The following ATN1 variants were observed in gnomAD, a reference collection of about 807,000 sequenced individuals.
ATN1 encodes the protein atrophin-1.
ATN1 carries 19 observed loss-of-function variants against 85.8 expected under a neutral mutation model. The ratio of observed to expected loss-of-function variants is 0.22; its 90% confidence interval spans 0.15 to 0.32. The LOEUF is 0.32. Among genes scored for constraint, ATN1 ranks in the 10% least tolerant of loss-of-function variants. The pLI, the probability that ATN1 is intolerant of heterozygous loss-of-function variation, is 1.00. For synonymous variants in ATN1, 674 were observed against 657.0 expected (o/e 1.03, Z -0.39); for missense variants, 1,453 against 1,564.5 (o/e 0.93, Z 1.20).
chr12:6,925,677 T>G (rs1945392717), upstream of ATN1, among the ~76,000 whole-genome samples: 1 of 152,248 alleles, frequency 6.6e-6, no homozygotes, highest in Non-Finnish European at 1.5e-5. Context: ...AGTTCCCCAG[T>G]GCTCTGGAAT....
At chr12:6,927,786 C>T (rs1242563202), upstream of ATN1, among the ~76,000 whole-genome samples, 2 of 151,900 alleles carry the variant, frequency 1.3e-5, no homozygotes, top group Admixed American at 1.3e-4. Flanking sequence ...CCCAGGCTCC[C>T]TCCCTTCGCC....
Position 6,937,118 on chromosome 12 carries a change from C to A in ATN1, c.1851C>A (p.Val617=), listed in dbSNP as rs1945553618. The change falls in exon 5 of 10, where the codon GTC becomes GTA. Residue 617 remains valine (V), a synonymous_variant. Coordinates refer to ENST00000396684, the MANE Select transcript of ATN1 (RefSeq NM_001940.4). The surrounding 1 kb of genome is among the most constrained non-coding windows in gnomAD (Gnocchi z 6.0). Reference sequence around the variant, plus strand: ...CCTCTTCGGCTACCCTTTCCACGGTCATTGCCACCGTGGCTTCCTCGCCAG... The same window carrying A: ...CCTCTTCGGCTACCCTTTCCACGGTAATTGCCACCGTGGCTTCCTCGCCAG... ...VTTSSATLST[V]IATVASSPAG... 2 of 1,611,808 alleles carry A rather than the reference C, an allele frequency of 1.2e-6. No homozygotes were observed. The highest frequency in any genetic ancestry group is 1.3e-5 in the African/African-American group (1 of 75,032).
Position 6,933,857 on chromosome 12 carries a change from T to C in ATN1, c.-145T>C. ...TCTAACAGGTTTCATTGAAAACAGATCCTGCAAAAGTTCCAGGTGCCCACA... is the reference window on the plus strand; with the variant it reads ...TCTAACAGGTTTCATTGAAAACAGACCCTGCAAAAGTTCCAGGTGCCCACA... On this transcript the variant is annotated 5_prime_UTR_variant, in exon 2 of 10. Coordinates refer to ENST00000396684, the MANE Select transcript of ATN1 (RefSeq NM_001940.4). The C allele has an allele frequency of 1.1e-6, 1 of 886,126 alleles. No homozygotes were observed. The highest frequency in any genetic ancestry group is 1.8e-6 in the Non-Finnish European group (1 of 565,906). 54.9% of individuals were successfully genotyped at this position (886,126 alleles called of 1,614,324 possible). A position where few individuals can be genotyped will look rare whatever the true frequency, so the allele number is the denominator to read the frequency against.
At position 6,935,868 on chromosome 12, in the gene ATN1, C is replaced by T. The variant is rs1247020067; in HGVS notation, c.601C>T (p.Pro201Ser). 1.2e-6 allele frequency: 2 copies of T among 1,613,710 alleles called. No homozygotes were observed. The highest frequency in any genetic ancestry group is 2.2e-5 in the East Asian group (1 of 44,900). ...PTGYHAPMEP[P>S]TSRMFQAPPG... ...TGGATATCATGCTCCCATGGAGCCCCCCACATCTCGAATGTTCCAGGCTCC... is the reference window on the plus strand; with the variant it reads ...TGGATATCATGCTCCCATGGAGCCCTCCACATCTCGAATGTTCCAGGCTCC... The change falls in exon 5 of 10, where the codon CCC becomes TCC. Residue 201 changes from proline (P) to serine (S), a missense_variant. This residue lies in a region of ATN1 where 990 missense variants were observed against 914.8 expected (regional missense o/e 1.08). Transcript: ENST00000396684. The surrounding 1 kb of genome is among the most constrained non-coding windows in gnomAD (Gnocchi z 5.3).
chr12:6,937,383 C>T lies in ATN1; in HGVS notation c.2116C>T (p.Pro706Ser). ...GCCACCTGCGGGGCCCTCAGGCCTG[C>T]CATCGCTGCCACCACCACCTGCGGC... ...PLPPAGPSGL[P>S]SLPPPPAAPA... The change falls in exon 5 of 10, where the codon CCA becomes TCA. Residue 706 changes from proline (P) to serine (S), a missense_variant. Transcript: ENST00000396684. This position sits in a 1 kb window ranked among gnomAD's most constrained non-coding sequence, Gnocchi z 6.0. 2 of 1,549,158 alleles carry T rather than the reference C, an allele frequency of 1.3e-6. No homozygotes were observed. Among genetic ancestry groups the T allele is most frequent in the Non-Finnish European group, 1.7e-6 (2 of 1,148,100 alleles).
chr12:6,934,048 A>G lies in ATN1; in HGVS notation c.27+20A>G, dbSNP rs201828246. On this transcript the variant is annotated intron_variant, in intron 2 of 9. Coordinates refer to ENST00000396684, the MANE Select transcript of ATN1 (RefSeq NM_001940.4). This position sits in a 1 kb window ranked among gnomAD's most constrained non-coding sequence, Gnocchi z 4.5. ...GACTCGGTGAGTTAAAATGAGAGAC[A>G]TGAAAGATGAGGGGCGGGGCAGGCA... 5.6e-5 allele frequency: 91 copies of G among 1,610,672 alleles called. No homozygotes were observed. The highest frequency in any genetic ancestry group is 4.0e-4 in the Admixed American group (24 of 59,302).
At position 6,941,788 on chromosome 12, in the gene ATN1, G is replaced by A. The variant is rs782053971; in HGVS notation, c.*8G>A. The A allele has an allele frequency of 9.9e-6, 16 of 1,613,894 alleles. No individual in the cohort carries two copies. The Admixed American group carries it at 1.5e-4, about 15-fold the overall frequency. On this transcript the variant is annotated 3_prime_UTR_variant, in exon 10 of 10. Coordinates refer to ENST00000396684, the MANE Select transcript of ATN1 (RefSeq NM_001940.4). The surrounding 1 kb of genome is among the most constrained non-coding windows in gnomAD (Gnocchi z 5.9). ...AGCGACAAGCCACTGTAGAACCTGC[G>A]ATCAAGAGAGCACCATGGCTCCTAC...
At position 6,937,272 on chromosome 12, in the gene ATN1, A is replaced by G; in HGVS notation, c.2005A>G (p.Thr669Ala). 1 of 1,608,208 alleles carries G rather than the reference A, an allele frequency of 6.2e-7. No individual in the cohort carries two copies. The highest frequency in any genetic ancestry group is 8.5e-7 in the Non-Finnish European group (1 of 1,178,284). The change falls in exon 5 of 10, where the codon ACC (threonine) becomes GCC (alanine). Residue 669 changes from threonine (T) to alanine (A), a missense_variant. Physicochemically the swap from Thr to Ala is moderately conservative, Grantham distance 58 (BLOSUM62 0). This residue lies in a region of ATN1 where 990 missense variants were observed against 914.8 expected (regional missense o/e 1.08). Coordinates refer to ENST00000396684, the MANE Select transcript of ATN1 (RefSeq NM_001940.4). The surrounding 1 kb of genome is among the most constrained non-coding windows in gnomAD (Gnocchi z 6.0). ...PGSPPSFRTG[T>A]PPGYRGTSPP... ...GTCGCCTCCCTCCTTCCGAACGGGG[A>G]CCCCACCGGGCTATCGAGGAACCTC...
chr12:6,938,434 CTT>C (rs1214882985), intron 6 of ATN1, 45 bp from the exon 7 acceptor site: 8 of 1,552,988 alleles, frequency 5.2e-6, no homozygotes, highest in Middle Eastern at 1.7e-4. Context: ...CCAGCCACCT[CTT>C]TTCATAACTG....
In ATN1 at chr12:6,937,281, G is replaced by A. The variant is rs1555143939; in HGVS notation, c.2014G>A (p.Gly672Ser). The change falls in exon 5 of 10, where the codon GGC (glycine) becomes AGC (serine). Residue 672 changes from glycine (G) to serine (S), a missense_variant. Transcript: ENST00000396684. The surrounding 1 kb of genome is among the most constrained non-coding windows in gnomAD (Gnocchi z 6.0). The stretch of plus-strand genomic sequence containing the variant: ...CTCCTTCCGAACGGGGACCCCACCG[G>A]GCTATCGAGGAACCTCGCCACCTGC... ...PPSFRTGTPPGYRGTSPPAGP... is the reference protein window; with the variant it reads ...PPSFRTGTPPSYRGTSPPAGP... 6.2e-7 allele frequency: 1 copy of A among 1,605,618 alleles called. No individual in the cohort carries two copies. The highest frequency in any genetic ancestry group is 1.7e-5 in the Admixed American group (1 of 59,004).
Position 6,934,586 on chromosome 12 carries a change from AC to A in ATN1, c.279+11del. ...AAAAAGACCAAAACTGAGGTGGGAA[AC>A]CCTTGTCGCCATCCTGACCCATCTT... is the stretch of plus-strand genomic sequence containing the variant. On this transcript the variant is annotated intron_variant, in intron 4 of 9. Transcript: ENST00000396684. This position sits in a 1 kb window ranked among gnomAD's most constrained non-coding sequence, Gnocchi z 4.5. The A allele has an allele frequency of 2.6e-6, 4 of 1,545,532 alleles. No individual in the cohort carries two copies. Among genetic ancestry groups the A allele is most frequent in the Non-Finnish European group, 3.5e-6 (4 of 1,140,608 alleles).
Position 6,941,167 on chromosome 12 carries a change from C to G in ATN1, c.3358+144C>G. On this transcript the variant is annotated intron_variant, in intron 8 of 9. Transcript: ENST00000396684. This position sits in a 1 kb window ranked among gnomAD's most constrained non-coding sequence, Gnocchi z 5.9. ...GGGCATGGGAATAGGAGAGCTGGAGCTCTGCCCAAGAGAAGCACGAGTTTT... is the reference window on the plus strand; with the variant it reads ...GGGCATGGGAATAGGAGAGCTGGAGGTCTGCCCAAGAGAAGCACGAGTTTT... 1 of 1,264,708 alleles carries G rather than the reference C, an allele frequency of 7.9e-7. No homozygotes were observed. Among genetic ancestry groups the G allele is most frequent in the Non-Finnish European group, 1.1e-6 (1 of 930,260 alleles). The allele number at this position is 1,264,708 out of a possible 1,614,324, so 78.3% of individuals were successfully genotyped here.
intron 1 of ATN1, among the ~76,000 whole-genome samples, chr12:6,931,042 T>C (rs1461271950): frequency 6.6e-6 from 1 of 152,156 alleles, no homozygotes; most frequent in Non-Finnish European, 1.5e-5. Context: ...ATGACTGCTT[T>C]TCTCCTTCAA....
At chr12:6,938,183 G>C (rs893827791) in intron 6 of ATN1, 116 bp downstream of exon 6, 1 of 1,436,668 alleles carries the variant, frequency 7.0e-7, no homozygotes, top group East Asian at 2.5e-5. Context: ...GGCGAGTCAC[G>C]TCGCCACCTG....
chr12:6,942,003 C>G lies in ATN1; in HGVS notation c.*223C>G. ...AGGTGGCGAGGATGGGGACAGAAAG[C>G]GCACAGAATCTTGGACCAGGTCTCT... On this transcript the variant is annotated 3_prime_UTR_variant, in exon 10 of 10. Transcript: ENST00000396684. 1 of 583,280 alleles carries G rather than the reference C, an allele frequency of 1.7e-6. No individual in the cohort carries two copies. Among genetic ancestry groups the G allele is most frequent in the South Asian group, 2.1e-5 (1 of 48,440 alleles). 36.1% of individuals were successfully genotyped at this position (583,280 alleles called of 1,614,324 possible).
rs1945530252 is a variant in ATN1 at position 6,936,199 on chromosome 12, A to G, written c.932A>G (p.Asn311Ser). The change falls in exon 5 of 10, where the codon AAC becomes AGC. Residue 311 changes from asparagine to serine, a missense_variant. This residue lies in a region of ATN1 where 990 missense variants were observed against 914.8 expected (regional missense o/e 1.08). Transcript: ENST00000396684. ...CCCCCACCTGCCCTGAGACCCCTCA[A>G]CAATGCATCAGCCTCTCCCCCTGGC... ...LPPPPALRPL[N>S]NASASPPGLG... is the part of the protein sequence containing the mutation. 6.3e-7 allele frequency: 1 copy of G among 1,588,754 alleles called. No homozygotes were observed. The highest frequency in any genetic ancestry group is 1.3e-5 in the African/African-American group (1 of 74,260).
chr12:6,936,722 A>C lies in ATN1; in HGVS notation c.1455A>C (p.Gln485His), dbSNP rs879960521. 1 of 1,525,178 alleles carries C rather than the reference A, an allele frequency of 6.6e-7. No homozygotes were observed. The highest frequency in any genetic ancestry group is 8.7e-7 in the Non-Finnish European group (1 of 1,143,698). The allele number at this position is 1,525,178 out of a possible 1,614,324, so 94.5% of individuals were successfully genotyped here. ...CAACACATCACCATCACCACCAGCA[A>C]CAGCAACAGCAGCAGCAGCAGCAGC... ...PVSTHHHHHQ[Q>H]QQQQQQQQQQ... Residue 485 changes from glutamine to histidine, a missense_variant, in exon 5 of 10, where the codon CAA (glutamine) becomes CAC (histidine). Gln to His is a conservative substitution (Grantham distance 24). Transcript: ENST00000396684.
intron 6 of ATN1, 121 bp from the exon 7 acceptor site, chr12:6,938,360 G>A: frequency 1.4e-6 from 2 of 1,389,108 alleles, no homozygotes; most frequent in East Asian, 2.5e-5. Context: ...TTCCAGGTGG[G>A]CAGAGTTTCA....
upstream of ATN1, among the ~76,000 whole-genome samples, chr12:6,925,688 C>A (rs1945392767): frequency 6.6e-6 from 1 of 152,218 alleles, no homozygotes; most frequent in Admixed American, 6.5e-5. Context: ...GCTCTGGAAT[C>A]TTGTTTAGAG....
Sources: gnomAD v4.1 joint callset for allele counts (sites outside exome capture counted in the v4.1 genomes callset) on GRCh38, gnomAD v4.1.1 for gene constraint, gnomAD v4.1.1 regional missense constraint, Gnocchi (gnomAD v3.1) non-coding constraint, MANE v1.5 for transcripts, NCBI Gene and HGNC (gene_info 2026-07-23, HGNC 2026-07-21) for gene names.